The following CGNL1 variants were observed in gnomAD, a reference collection of about 807,000 sequenced individuals.
The protein encoded by CGNL1 is cingulin-like protein 1.
In CGNL1, 132 loss-of-function variants were observed where a neutral mutation model predicts 141.2. The ratio of observed to expected loss-of-function variants is 0.93; its 90% CI spans 0.81 to 1.08. CGNL1 has a LOEUF of 1.08. Among genes scored for constraint, CGNL1 ranks in the 50% least tolerant of loss-of-function variants. CGNL1 has a pLI of 0.00. For missense variants in CGNL1, 1,870 were observed against 1,588.6 expected, an observed-to-expected ratio of 1.18 and a Z score of -3.01; for synonymous variants, 690 against 622.1, an observed-to-expected ratio of 1.11 and a Z score of -1.63.
intron 6 of CGNL1, among the ~76,000 whole-genome samples, chr15:57,452,587 G>C (rs1482887369): frequency 2.0e-5 from 3 of 152,182 alleles, no homozygotes; most frequent in Non-Finnish European, 4.4e-5. Context: ...ACTGAGCGCT[G>C]ATACTGAAAG....
intron 8 of CGNL1, among the ~76,000 whole-genome samples, chr15:57,482,241 A>G (rs1465425915): frequency 6.6e-6 from 1 of 152,216 alleles, no homozygotes; most frequent in Admixed American, 6.5e-5. Context: ...AACAAAACAA[A>G]ACAAAAAACC....
intron 8 of CGNL1, among the ~76,000 whole-genome samples, chr15:57,489,742 A>C (rs1167908565): frequency 6.6e-6 from 1 of 152,188 alleles, no homozygotes; most frequent in Non-Finnish European, 1.5e-5. Context: ...CTACCATTCA[A>C]GTGGTTTCCC....
intron 8 of CGNL1, among the ~76,000 whole-genome samples, chr15:57,508,389 G>C (rs1375279715): frequency 6.6e-6 from 1 of 152,172 alleles, no homozygotes; most frequent in Non-Finnish European, 1.5e-5. Context: ...TCTTGCCCAA[G>C]AAATGGTAAG....
At chr15:57,441,102 A>G (rs952163134) in intron 3 of CGNL1, among the ~76,000 whole-genome samples, 1 of 152,028 alleles carries the variant, frequency 6.6e-6, no homozygotes, top group South Asian at 2.1e-4. Flanking sequence ...TTTACAGCCT[A>G]CATGACTGAA....
At chr15:57,514,213 C>T (rs1378927402) in intron 8 of CGNL1, among the ~76,000 whole-genome samples, 5 of 151,964 alleles carry the variant, frequency 3.3e-5, no homozygotes, top group African/African-American at 7.3e-5. Flanking sequence ...GTGCAGTGGT[C>T]CCATCTCGGC....
intron 8 of CGNL1, among the ~76,000 whole-genome samples, chr15:57,472,358 G>A (rs1466367490): frequency 6.6e-6 from 1 of 152,112 alleles, no homozygotes; most frequent in Non-Finnish European, 1.5e-5. Flanking sequence ...GGAAGTAGAA[G>A]CAGATAGGGA....
chr15:57,397,503 T>C (rs1242432442), intron 1 of CGNL1, among the ~76,000 whole-genome samples: 2 of 152,138 alleles, frequency 1.3e-5, no homozygotes, highest in South Asian at 2.1e-4. Context: ...TATTTTTTGA[T>C]GTACATTTTG....
intron 8 of CGNL1, among the ~76,000 whole-genome samples, chr15:57,464,894 C>T (rs1215678767): frequency 1.3e-5 from 2 of 151,984 alleles, no homozygotes; most frequent in African/African-American, 4.8e-5. Context: ...GGATTACAGG[C>T]ATGTGCCACC....
intron 12 of CGNL1, among the ~76,000 whole-genome samples, chr15:57,527,987 G>A (rs766197281): frequency 5.3e-5 from 8 of 152,270 alleles, no homozygotes; most frequent in Middle Eastern, 3.4e-3. Flanking sequence ...AGCTGAGCAC[G>A]GTGGCTCATG....
chr15:57,502,766 T>G (rs1380152395), intron 8 of CGNL1, among the ~76,000 whole-genome samples: 5 of 152,192 alleles, frequency 3.3e-5, no homozygotes, highest in African/African-American at 9.7e-5. Context: ...TTGTTCAAGT[T>G]GTATATTCAG....
chr15:57,433,247 C>T lies in CGNL1; in HGVS notation c.-15-4738C>T, dbSNP rs142466659. 6.3e-3 allele frequency among the ~76,000 whole-genome samples: 948 copies of T among 151,246 alleles called. 10 individuals are homozygous for T. Among genetic ancestry groups the T allele is most frequent in the African/African-American group, 0.022 (899 of 40,544 alleles). On this transcript the variant is annotated intron_variant, in intron 1 of 18. Transcript: ENST00000281282. ...CTGGTTATTTTGGTGTCAGCCCTCA[C>T]GCATCACTTCATTAGTCTAAGGCAA...
chr15:57,543,809 C>T lies in CGNL1; in HGVS notation c.3375+30C>T, dbSNP rs375179913. 4.0e-4 allele frequency: 619 copies of T among 1,551,062 alleles called. 6 individuals are homozygous for T. Among genetic ancestry groups the T allele is most frequent in the Admixed American group, 1.7e-4 (10 of 59,600 alleles). On this transcript the variant is annotated intron_variant, in intron 15 of 18. Transcript: ENST00000281282. ...GGGCAGCCAGCCTGTGAGCTGCCCC[C>T]CCGTCCATCCGCTAACCCTCCCCCA...
chr15:57,437,619 C>CAAAAAAAAAAAAAAAAAAAAA (rs540499763), intron 1 of CGNL1, among the ~76,000 whole-genome samples: 4 of 36,084 alleles, frequency 1.1e-4, no homozygotes, highest in Admixed American at 2.6e-4. Context: ...AACTAAACAG[C>CAAAAAAAAAAAAAAAAAAAAA]AAAAAAAAAA....
At chr15:57,461,946 C>T in intron 8 of CGNL1, 54 bp downstream of exon 8, 2 of 1,314,926 alleles carry the variant, frequency 1.5e-6, no homozygotes, top group Non-Finnish European at 1.1e-6. Context: ...GGGTAAGACC[C>T]TCTCTCCCAC....
rs115129233 is a variant in CGNL1 at position 57,531,534 on chromosome 15, C to T, written c.3202-156C>T. ...AAACACATAGTTTAAGAAATATCTG[C>T]TTTGGGCAATGTAAGAAATAGATAT... On this transcript the variant is annotated intron_variant, in intron 13 of 18. Transcript: ENST00000281282. Among the ~76,000 whole-genome samples, 1,097 of 152,220 alleles carry T rather than the reference C, an allele frequency of 7.2e-3. 17 individuals carry two copies. The highest frequency in any genetic ancestry group is 0.025 in the African/African-American group (1,028 of 41,538).
chr15:57,491,618 G>A (rs1293818591), intron 8 of CGNL1, among the ~76,000 whole-genome samples: 1 of 152,176 alleles, frequency 6.6e-6, no homozygotes, highest in Non-Finnish European at 1.5e-5. Flanking sequence ...CCCTGTACTC[G>A]AAGATGCTCA....
intron 8 of CGNL1, among the ~76,000 whole-genome samples, chr15:57,515,883 G>A (rs1461097012): frequency 6.6e-6 from 1 of 152,152 alleles, no homozygotes; most frequent in Non-Finnish European, 1.5e-5. Context: ...CCTGGGCCGG[G>A]TGTGGTGGCT....
intron 8 of CGNL1, among the ~76,000 whole-genome samples, chr15:57,468,589 TG>T (rs2063541361): frequency 6.8e-6 from 1 of 147,802 alleles, no homozygotes; most frequent in Non-Finnish European, 1.5e-5. Flanking sequence ...TGTGTGTGTG[TG>T]TTAAAGAATA....
chr15:57,402,437 G>A (rs1371020533), intron 1 of CGNL1, among the ~76,000 whole-genome samples: 1 of 152,118 alleles, frequency 6.6e-6, no homozygotes, highest in East Asian at 1.9e-4. Flanking sequence ...ACAGCCTCAG[G>A]TATTCCTTTA....
Sources: gnomAD v4.1 joint callset for allele counts (sites outside exome capture counted in the v4.1 genomes callset) on GRCh38, gnomAD v4.1.1 for gene constraint, MANE v1.5 for transcripts, NCBI Gene and HGNC (gene_info 2026-07-23, HGNC 2026-07-21) for gene names.